The following ZFAT variants were observed in gnomAD, a reference collection of about 807,000 sequenced individuals.
ZFAT encodes zinc finger and AT-hook domain containing.
ZFAT carries 64 observed loss-of-function variants against 117.7 expected under a neutral mutation model. The observed-to-expected ratio is 0.54, with a 90% CI of 0.44 to 0.67. The LOEUF (loss-of-function observed/expected upper bound fraction) is 0.67. Among genes scored for constraint, ZFAT ranks in the 30% least tolerant of loss-of-function variants. The probability of loss-of-function intolerance (pLI) is 0.00; values close to 1 mark genes in which losing one functional copy is unlikely to be tolerated. For synonymous variants in ZFAT, 679 were observed against 615.0 expected (o/e 1.10, Z -1.54); for missense variants, 1,433 against 1,584.5 (o/e 0.90, Z 1.62).
chr8:134,595,834 C>T (rs1563648334), intron 7 of ZFAT, among the ~76,000 whole-genome samples: 1 of 152,178 alleles, frequency 6.6e-6, no homozygotes, highest in Admixed American at 6.5e-5. Context: ...GTCACAGAAA[C>T]AGGCACTCAG....
intron 10 of ZFAT, among the ~76,000 whole-genome samples, chr8:134,568,123 C>T (rs1206084014): frequency 2.0e-5 from 3 of 152,180 alleles, no homozygotes; most frequent in Non-Finnish European, 4.4e-5. Context: ...AAATTTTGTA[C>T]ATCTTATATG....
intron 3 of ZFAT, among the ~76,000 whole-genome samples, chr8:134,623,173 C>G (rs1829251794): frequency 6.6e-6 from 1 of 152,156 alleles, no homozygotes; most frequent in Non-Finnish European, 1.5e-5. Context: ...CGGCTCAAGT[C>G]AGCAACGAGG....
chr8:134,726,684 T>C, the ZFAT span, among the ~76,000 whole-genome samples: 6 of 152,042 alleles, frequency 3.9e-5, no homozygotes, highest in Non-Finnish European at 7.4e-5. Flanking sequence ...AACCTCCACC[T>C]CCCAGGCTCA....
At chr8:134,511,577 T>C (rs1318030623) in intron 14 of ZFAT, among the ~76,000 whole-genome samples, 1 of 152,200 alleles carries the variant, frequency 6.6e-6, no homozygotes, top group Non-Finnish European at 1.5e-5. Context: ...AAAAATGGTG[T>C]CTTTCTAACT....
At chr8:134,764,007 T>C in the ZFAT span, among the ~76,000 whole-genome samples, 4 of 152,244 alleles carry the variant, frequency 2.6e-5, no homozygotes, top group African/African-American at 7.2e-5. Flanking sequence ...ATACTGATCA[T>C]GTATGTAACA....
Position 134,602,236 on chromosome 8 carries a change from T to C in ZFAT, c.1483A>G (p.Asn495Asp). 6.2e-7 allele frequency: 1 copy of C among 1,613,736 alleles called. No homozygotes were observed. Among genetic ancestry groups the C allele is most frequent in the Non-Finnish European group, 8.5e-7 (1 of 1,180,026 alleles). Residue 495 changes from asparagine (N) to aspartate (D), a missense_variant, in exon 6 of 16, where the codon AAC (asparagine) becomes GAC (aspartate). Transcript: ENST00000377838. Reference protein sequence around the residue: ...QEALVFTSSINQSFCLLEPGG... With the variant: ...QEALVFTSSIDQSFCLLEPGG... ...GGTTCCAGGAGGCAGAAGCTCTGGTTGATGGAACTGGTGAAGACCAAGGCC... is the reference window on the plus strand; with the variant it reads ...GGTTCCAGGAGGCAGAAGCTCTGGTCGATGGAACTGGTGAAGACCAAGGCC...
At chr8:134,505,777 G>T (rs1819361801) in intron 15 of ZFAT, among the ~76,000 whole-genome samples, 1 of 152,200 alleles carries the variant, frequency 6.6e-6, no homozygotes, top group Non-Finnish European at 1.5e-5. Flanking sequence ...TCGACACCTT[G>T]AGTTTAGCAC....
chr8:134,767,772 C>T, the ZFAT span, among the ~76,000 whole-genome samples: 23 of 152,292 alleles, frequency 1.5e-4, 3 homozygotes, highest in Admixed American at 1.1e-3. Flanking sequence ...AAAATGTTCT[C>T]ATTGTCTTTA....
intron 1 of ZFAT, among the ~76,000 whole-genome samples, chr8:134,675,572 C>T (rs201583896): frequency 9.9e-5 from 15 of 152,080 alleles, no homozygotes; most frequent in East Asian, 3.9e-4. Flanking sequence ...CTAGCAAGGC[C>T]GGCCAACATT....
chr8:134,771,985 T>C, the ZFAT span, among the ~76,000 whole-genome samples: 1 of 152,166 alleles, frequency 6.6e-6, no homozygotes, highest in African/African-American at 2.4e-5. Context: ...GGCTTATTCA[T>C]TACCAAGAGA....
the ZFAT span, among the ~76,000 whole-genome samples, chr8:134,736,930 A>G: frequency 6.6e-6 from 1 of 152,098 alleles, no homozygotes; most frequent in Non-Finnish European, 1.5e-5. Flanking sequence ...GGTTCTGCGT[A>G]GGCTTTCATT....
intron 5 of ZFAT, among the ~76,000 whole-genome samples, chr8:134,607,752 T>C (rs1211207919): frequency 2.0e-5 from 3 of 152,234 alleles, no homozygotes; most frequent in South Asian, 2.1e-4. Context: ...TCTTTCCTTC[T>C]AGCTGGGAGA....
chr8:134,567,337 C>T (rs1824540133), intron 10 of ZFAT, among the ~76,000 whole-genome samples: 1 of 152,164 alleles, frequency 6.6e-6, no homozygotes, highest in South Asian at 2.1e-4. Context: ...TTTCTCATGT[C>T]TGTCTATTTC....
chr8:134,658,193 C>T (rs536065211), intron 1 of ZFAT, among the ~76,000 whole-genome samples: 2 of 152,214 alleles, frequency 1.3e-5, no homozygotes, highest in East Asian at 1.9e-4. Context: ...AAAAATTAGC[C>T]AGGCATGGCA....
At chr8:134,729,028 A>G in the ZFAT span, among the ~76,000 whole-genome samples, 1 of 152,232 alleles carries the variant, frequency 6.6e-6, no homozygotes, top group Non-Finnish European at 1.5e-5. Context: ...AGTTTAAAAT[A>G]ATCCTTAAAT....
intron 1 of ZFAT, among the ~76,000 whole-genome samples, chr8:134,695,660 T>A (rs1833795309): frequency 7.6e-6 from 1 of 131,128 alleles, no homozygotes; most frequent in South Asian, 2.6e-4. Context: ...GCCTGGGTCA[T>A]CTCTAACAAA....
intron 2 of ZFAT, among the ~76,000 whole-genome samples, chr8:134,644,312 AG>A (rs1830749566): frequency 6.6e-6 from 1 of 152,168 alleles, no homozygotes; most frequent in South Asian, 2.1e-4. Context: ...ATTCCTGCAG[AG>A]GGTCTGAAAT....
At chr8:134,696,491 C>T (rs1213780826) in intron 1 of ZFAT, 6 of 985,678 alleles carry the variant, frequency 6.1e-6, no homozygotes, top group East Asian at 1.1e-4. Flanking sequence ...CCGCTTCCCA[C>T]GGAGCATGCA....
At chr8:134,769,267 A>G in the ZFAT span, among the ~76,000 whole-genome samples, 1 of 152,202 alleles carries the variant, frequency 6.6e-6, no homozygotes, top group African/African-American at 2.4e-5. Flanking sequence ...ATGAAAATCA[A>G]GTTAGTTACT....
Sources: allele counts gnomAD v4.1 joint callset (sites outside exome capture counted in the v4.1 genomes callset), GRCh38; gene constraint gnomAD v4.1.1; transcripts MANE v1.5; gene names NCBI Gene and HGNC (gene_info 2026-07-23, HGNC 2026-07-21).